MTERF3: variants seen among roughly 807,000 people sequenced by gnomAD.
MTERF3 encodes the protein transcription termination factor 3, mitochondrial.
MTERF3 carries 40 observed loss-of-function variants against 40.5 expected under a neutral mutation model. The observed-to-expected ratio is 0.99, with a 90% confidence interval of 0.77 to 1.29. The LOEUF is 1.29. Ranked by LOEUF, MTERF3 falls within the 50% of genes most tolerant of loss-of-function variation. MTERF3 has a pLI of 0.00. For missense variants in MTERF3, 452 were observed against 478.2 expected (o/e 0.95, Z 0.51); for synonymous variants, 158 against 166.6 (o/e 0.95, Z 0.40).
At chr8:96,258,848 A>C in intron 1 of MTERF3, 148 bp from the exon 2 acceptor site, 1 of 614,476 alleles carries the variant, frequency 1.6e-6, no homozygotes, top group Non-Finnish European at 2.6e-6. Flanking sequence ...TAAAATAGTG[A>C]GATGTTTCTT....
intron 4 of MTERF3, among the ~76,000 whole-genome samples, chr8:96,250,653 GAAGAAGAAGAAGAAGAAGAAGAAGAAGA>G (rs1810146916): frequency 7.5e-5 from 2 of 26,602 alleles, no homozygotes; most frequent in African/African-American, 2.8e-4. Flanking sequence ...AGAAGAAGAA[GAAGAAGAAGAAGAAGAAGAAGAAGAAGA>G]AGGAGGAGGA....
At chr8:96,252,094 C>T (rs552756148) in intron 3 of MTERF3, among the ~76,000 whole-genome samples, 85 of 152,344 alleles carry the variant, frequency 5.6e-4, no homozygotes, top group Non-Finnish European at 1.0e-3. Context: ...CCACGTGAGA[C>T]GTGCCTTTCA....
At chr8:96,250,660 AAGAAGAAGAAGAAGAAGAAGAAGG>A (rs1810149761) in intron 4 of MTERF3, among the ~76,000 whole-genome samples, 1 of 32,998 alleles carries the variant, frequency 3.0e-5, no homozygotes, top group African/African-American at 1.2e-4. Context: ...GAAGAAGAAG[AAGAAGAAGAAGAAGAAGAAGAAGG>A]AGGAGGAGGA....
chr8:96,248,536 A>G (rs894312561), intron 4 of MTERF3, among the ~76,000 whole-genome samples: 24 of 152,370 alleles, frequency 1.6e-4, no homozygotes, highest in African/African-American at 5.5e-4. Flanking sequence ...TGAACAAAAA[A>G]TCCTGATAAC....
At chr8:96,260,210 A>T (rs1426070456) in intron 1 of MTERF3, 3 of 152,258 alleles carry the variant, frequency 2.0e-5, no homozygotes, top group African/African-American at 4.8e-5. Flanking sequence ...CCATTCTGCG[A>T]TGATTTTAGA....
At chr8:96,258,747 C>A in intron 1 of MTERF3, 47 bp from the exon 2 acceptor site, 1 of 1,378,788 alleles carries the variant, frequency 7.3e-7, no homozygotes, top group Non-Finnish European at 9.9e-7. Flanking sequence ...ATTTAATTTA[C>A]TTAAATGTTT....
intron 4 of MTERF3, among the ~76,000 whole-genome samples, chr8:96,247,628 T>C (rs924125548): frequency 3.3e-5 from 5 of 152,158 alleles, no homozygotes; most frequent in Admixed American, 2.6e-4. Flanking sequence ...CATGCCTACA[T>C]CTAAAGCCTA....
intron 7 of MTERF3, among the ~76,000 whole-genome samples, chr8:96,242,967 A>G (rs553274652): frequency 1.2e-4 from 19 of 152,324 alleles, no homozygotes; most frequent in Admixed American, 5.2e-4. Flanking sequence ...TTACTCCATG[A>G]GCCAAATTCA....
At chr8:96,258,796 T>A (rs1431753336) in intron 1 of MTERF3, 96 bp from the exon 2 acceptor site, 1 of 940,842 alleles carries the variant, frequency 1.1e-6, no homozygotes, top group African/African-American at 1.7e-5. Context: ...AACTGGAAAT[T>A]ATTTTTTTCT....
intron 7 of MTERF3, 115 bp downstream of exon 7, chr8:96,243,804 A>G (rs1389838531): frequency 2.6e-6 from 3 of 1,158,434 alleles, no homozygotes; most frequent in Non-Finnish European, 3.7e-6. Flanking sequence ...GGAGATGGAC[A>G]TTTGCGCCCT....
intron 3 of MTERF3, among the ~76,000 whole-genome samples, chr8:96,253,416 T>C (rs1810221793): frequency 6.6e-6 from 1 of 152,100 alleles, no homozygotes; most frequent in Non-Finnish European, 1.5e-5. Flanking sequence ...CTACCTTCTG[T>C]CCTGTAGGTG....
Position 96,239,553 on chromosome 8 carries a change from A to AT in MTERF3, c.1191dup (p.Phe398IlefsTer3). ...GATGCTTTGGCAATCTCTTCACAAA[A>AT]TATTTCATCAGGAATAGATACTAGT... is the stretch of plus-strand genomic sequence containing the variant. On this transcript the variant is annotated frameshift_variant, in exon 8 of 8. Coordinates refer to ENST00000287025, the MANE Select transcript of MTERF3 (RefSeq NM_015942.5). LOFTEE classifies it high-confidence loss of function. The AT allele has an allele frequency of 6.2e-7, 1 of 1,612,440 alleles. No individual in the cohort carries two copies. The highest frequency in any genetic ancestry group is 8.5e-7 in the Non-Finnish European group (1 of 1,179,612).
At chr8:96,240,790 C>T (rs935665087) in intron 7 of MTERF3, among the ~76,000 whole-genome samples, 1 of 152,028 alleles carries the variant, frequency 6.6e-6, no homozygotes, top group Non-Finnish European at 1.5e-5. Context: ...AATGTGAACA[C>T]GGGATGCGTT....
chr8:96,244,154 AT>A (rs1012651979), intron 6 of MTERF3, 74 bp from the exon 7 acceptor site: 185,639 of 962,578 alleles, frequency 0.19, no homozygotes, highest in South Asian at 0.26. Context: ...GGCTGCACTG[AT>A]TTTTTTTTTT....
At chr8:96,255,733 C>A (rs1810267504) in intron 3 of MTERF3, among the ~76,000 whole-genome samples, 1 of 151,798 alleles carries the variant, frequency 6.6e-6, no homozygotes, top group Admixed American at 6.6e-5. Context: ...AATCACCTCC[C>A]AAAAATATGG....
At position 96,257,167 on chromosome 8, in the gene MTERF3, T is replaced by C. The variant is rs1287552534; in HGVS notation, c.335-53A>G. 2.0e-6 allele frequency: 3 copies of C among 1,522,952 alleles called. No homozygotes were observed. The African/African-American group carries it at 4.2e-5, about 21-fold the overall frequency. The allele number at this position is 1,522,952 out of a possible 1,614,324, so 94.3% of individuals were successfully genotyped here. On this transcript the variant is annotated intron_variant, in intron 2 of 7. Coordinates refer to ENST00000287025, the MANE Select transcript of MTERF3 (RefSeq NM_015942.5). ...TCTAATATGCACACTTAAAACTATT[T>C]CTGCAAAGACCAGCTCTTCCCTTGT...
At chr8:96,256,604 AATTTAT>A (rs1224221785) in intron 3 of MTERF3, among the ~76,000 whole-genome samples, 1 of 152,238 alleles carries the variant, frequency 6.6e-6, no homozygotes, top group Non-Finnish European at 1.5e-5. Context: ...CTAAAATTGT[AATTTAT>A]ATTAGGAGAA....
At chr8:96,240,560 T>A (rs1809908704) in intron 7 of MTERF3, among the ~76,000 whole-genome samples, 1 of 152,008 alleles carries the variant, frequency 6.6e-6, no homozygotes. Context: ...AAAGTAAAAC[T>A]CCTAAAAACT....
At position 96,239,440 on chromosome 8, in the gene MTERF3, A is replaced by T. The variant is rs1458114741; in HGVS notation, c.*51T>A. 1 of 1,319,326 alleles carries T rather than the reference A, an allele frequency of 7.6e-7. No individual in the cohort carries two copies. Among genetic ancestry groups the T allele is most frequent in the African/African-American group, 1.5e-5 (1 of 65,380 alleles). 81.7% of individuals were successfully genotyped at this position (1,319,326 alleles called of 1,614,324 possible). A position where few individuals can be genotyped will look rare whatever the true frequency, so the allele number is the denominator to read the frequency against. ...GAGGCATTTAAAAATATATTCATTT[A>T]TTCATATATATATTCACTTTACAAT... is the stretch of plus-strand genomic sequence containing the variant. On this transcript the variant is annotated 3_prime_UTR_variant, in exon 8 of 8. Transcript: ENST00000287025.
Sources: allele counts gnomAD v4.1 joint callset (sites outside exome capture counted in the v4.1 genomes callset), GRCh38; gene constraint gnomAD v4.1.1; transcripts MANE v1.5; gene names NCBI Gene and HGNC (gene_info 2026-07-23, HGNC 2026-07-21).